Variants in SPOCK1 observed in about 807,000 individuals in gnomAD.
SPOCK1 encodes the protein SPARC (osteonectin), cwcv and kazal like domains proteoglycan 1, also known as testican-1.
Under a neutral mutation model 55.3 loss-of-function variants are expected in SPOCK1, and 23 were observed. The observed-to-expected ratio is 0.42, with a 90% confidence interval of 0.30 to 0.59. SPOCK1 has a LOEUF of 0.59. SPOCK1 is among the 20% of genes least tolerant of loss of function. The probability of loss-of-function intolerance (pLI) is 0.22; values close to 1 mark genes in which losing one functional copy is unlikely to be tolerated. For synonymous variants in SPOCK1, 226 were observed against 221.0 expected (o/e 1.02, Z -0.20); for missense variants, 499 against 552.5 (o/e 0.90, Z 0.97).
intron 2 of SPOCK1, among the ~76,000 whole-genome samples, chr5:137,362,145 C>T (rs747480641): frequency 5.3e-5 from 8 of 152,126 alleles, no homozygotes; most frequent in Non-Finnish European, 1.2e-4. Flanking sequence ...AAGAGAAGCA[C>T]AAACATGTTC....
At chr5:137,498,131 C>G (rs1293357933) in intron 2 of SPOCK1, among the ~76,000 whole-genome samples, 1 of 152,176 alleles carries the variant, frequency 6.6e-6, no homozygotes, top group Non-Finnish European at 1.5e-5. Flanking sequence ...CGAATACACA[C>G]ACCTGGGCCA....
intron 3 of SPOCK1, among the ~76,000 whole-genome samples, chr5:137,176,039 C>G (rs1230868921): frequency 6.6e-6 from 1 of 152,154 alleles, no homozygotes; most frequent in Admixed American, 6.5e-5. Flanking sequence ...ACTTCTAGAC[C>G]TGGATATCAA....
At chr5:137,461,123 G>A (rs889106376) in intron 2 of SPOCK1, among the ~76,000 whole-genome samples, 3 of 152,174 alleles carry the variant, frequency 2.0e-5, no homozygotes, top group African/African-American at 7.2e-5. Context: ...CTTCCGTCTT[G>A]CTCAAGTCTG....
chr5:137,043,498 A>C (rs1752039963), intron 6 of SPOCK1, among the ~76,000 whole-genome samples: 2 of 152,138 alleles, frequency 1.3e-5, no homozygotes, highest in South Asian at 4.1e-4. Context: ...TAAAATGAGT[A>C]CCTTTGCAGT....
intron 3 of SPOCK1, among the ~76,000 whole-genome samples, chr5:137,193,592 A>G (rs547796718): frequency 6.6e-6 from 1 of 152,210 alleles, no homozygotes; most frequent in Non-Finnish European, 1.5e-5. Flanking sequence ...CACGAGAATT[A>G]TAAGTCATGC....
intron 6 of SPOCK1, among the ~76,000 whole-genome samples, chr5:137,065,227 C>CAAA (rs10697469): frequency 0.25 from 28,386 of 115,640 alleles, 4,510 homozygotes; most frequent in Non-Finnish European, 0.31. Flanking sequence ...GATTTCATCT[C>CAAA]AAAAAAAAAA....
At chr5:137,414,501 T>C (rs1316062686) in intron 2 of SPOCK1, among the ~76,000 whole-genome samples, 1 of 152,218 alleles carries the variant, frequency 6.6e-6, no homozygotes, top group African/African-American at 2.4e-5. Context: ...AAGACATCTT[T>C]ATTAATGATT....
At chr5:137,350,661 T>G in intron 2 of SPOCK1, among the ~76,000 whole-genome samples, 1 of 152,102 alleles carries the variant, frequency 6.6e-6, no homozygotes, top group South Asian at 2.1e-4. Context: ...GGCAGGACTC[T>G]TTCTAGTTCA....
At chr5:137,105,890 G>A (rs55639869) in intron 5 of SPOCK1, among the ~76,000 whole-genome samples, 2,434 of 152,230 alleles carry the variant, frequency 0.016, 42 homozygotes, top group Non-Finnish European at 0.021. Context: ...GACAGCAGAC[G>A]GGTGTTTGCC....
chr5:137,057,473 G>A (rs1752321959), intron 6 of SPOCK1, among the ~76,000 whole-genome samples: 1 of 152,174 alleles, frequency 6.6e-6, no homozygotes, highest in Admixed American at 6.5e-5. Context: ...TTATCAAAGT[G>A]ACATTCCTGC....
At chr5:137,010,656 C>T (rs1355944706) in intron 6 of SPOCK1, among the ~76,000 whole-genome samples, 1 of 152,052 alleles carries the variant, frequency 6.6e-6, no homozygotes, top group Non-Finnish European at 1.5e-5. Context: ...CATTTGACAC[C>T]AGGACAAAAT....
intron 2 of SPOCK1, among the ~76,000 whole-genome samples, chr5:137,275,950 C>A (rs1230785200): frequency 4.6e-5 from 7 of 152,200 alleles, no homozygotes; most frequent in Admixed American, 2.6e-4. Context: ...AACATGGCCA[C>A]GTGCCCTAAC....
At chr5:137,044,405 T>C (rs1239753238) in intron 6 of SPOCK1, among the ~76,000 whole-genome samples, 3 of 152,176 alleles carry the variant, frequency 2.0e-5, no homozygotes, top group Admixed American at 6.5e-5. Flanking sequence ...AACATACATA[T>C]AGAAAATAGA....
At chr5:137,497,165 G>A (rs1265474292) in intron 2 of SPOCK1, among the ~76,000 whole-genome samples, 2 of 152,226 alleles carry the variant, frequency 1.3e-5, no homozygotes, top group Non-Finnish European at 2.9e-5. Flanking sequence ...GCTTAGAGGA[G>A]TCCAGTGGAG....
intron 2 of SPOCK1, among the ~76,000 whole-genome samples, chr5:137,464,979 C>G (rs1027310596): frequency 3.3e-5 from 5 of 151,980 alleles, no homozygotes; most frequent in Non-Finnish European, 5.9e-5. Flanking sequence ...ATGACTCAGA[C>G]AAAAAGACAA....
chr5:137,140,750 T>A, intron 3 of SPOCK1, 56 bp from the exon 4 acceptor site: 1 of 609,986 alleles, frequency 1.6e-6, no homozygotes, highest in South Asian at 4.3e-5. Flanking sequence ...AAATTTAATT[T>A]TTTTTTTTTT....
At chr5:137,455,795 G>A (rs963811807) in intron 2 of SPOCK1, among the ~76,000 whole-genome samples, 4 of 152,080 alleles carry the variant, frequency 2.6e-5, no homozygotes, top group East Asian at 1.9e-4. Flanking sequence ...TTGAGAGGTC[G>A]AGGTGGGAGG....
intron 3 of SPOCK1, among the ~76,000 whole-genome samples, chr5:137,247,610 G>A (rs12656717): frequency 0.4 from 60,606 of 151,918 alleles, 13,368 homozygotes; most frequent in Non-Finnish European, 0.48. Context: ...TTATCTTGTC[G>A]TCCATTTTGT....
At chr5:137,160,647 T>A (rs11747229) in intron 3 of SPOCK1, among the ~76,000 whole-genome samples, 11,164 of 81,876 alleles carry the variant, frequency 0.14, 904 homozygotes, top group East Asian at 0.24. Context: ...AATATATATT[T>A]TATATAATAT....
Sources: allele counts gnomAD v4.1 joint callset (sites outside exome capture counted in the v4.1 genomes callset), GRCh38; gene constraint gnomAD v4.1.1; transcripts MANE v1.5; gene names NCBI Gene and HGNC (gene_info 2026-07-23, HGNC 2026-07-21).